The following MGAT4C variants were observed in gnomAD, a reference collection of about 807,000 sequenced individuals.
The protein encoded by MGAT4C is alpha-1,3-mannosyl-glycoprotein 4-beta-N-acetylglucosaminyltransferase C.
In MGAT4C, 19 loss-of-function variants were observed where a neutral mutation model predicts 40.1. The ratio of observed to expected loss-of-function variants is 0.47; its 90% CI spans 0.33 to 0.70. The LOEUF (loss-of-function observed/expected upper bound fraction) is 0.70, where lower values mean the gene tolerates loss of function less well. Ranked by LOEUF, MGAT4C falls within the 30% of genes least tolerant of loss-of-function variation. The pLI, the probability that MGAT4C is intolerant of heterozygous loss-of-function variation, is 0.02. For missense variants in MGAT4C, 491 were observed against 563.2 expected (o/e 0.87, Z 1.30); for synonymous variants, 181 against 187.1 (o/e 0.97, Z 0.27).
chr12:86,320,220 A>G (rs904255601), intron 4 of MGAT4C, among the ~76,000 whole-genome samples: 1 of 152,170 alleles, frequency 6.6e-6, no homozygotes, highest in Admixed American at 6.6e-5. Context: ...AAATATTGAT[A>G]TCTGATAATG....
intron 2 of MGAT4C, among the ~76,000 whole-genome samples, chr12:86,486,994 A>G (rs1958030809): frequency 6.6e-6 from 1 of 152,190 alleles, no homozygotes; most frequent in Non-Finnish European, 1.5e-5. Context: ...GGAAAGACTG[A>G]TATCAATTGA....
intron 1 of MGAT4C, among the ~76,000 whole-genome samples, chr12:86,137,927 G>A (rs190407958): frequency 2.5e-4 from 38 of 152,268 alleles, no homozygotes; most frequent in African/African-American, 9.1e-4. Context: ...GAAAAATTCT[G>A]AGGAGCATTT....
At chr12:86,486,759 C>A (rs1296569388) in intron 2 of MGAT4C, among the ~76,000 whole-genome samples, 2 of 152,174 alleles carry the variant, frequency 1.3e-5, no homozygotes, top group Admixed American at 1.3e-4. Context: ...CTCCACACAA[C>A]AATCACAGTT....
At position 85,979,685 on chromosome 12, in the gene MGAT4C, G is replaced by T. The variant is rs1884315223; in HGVS notation, c.1041C>A (p.Thr347=). 3 of 1,613,314 alleles carry T rather than the reference G, an allele frequency of 1.9e-6. No homozygotes were observed. The highest frequency in any genetic ancestry group is 2.5e-6 in the Non-Finnish European group (3 of 1,179,790). ...IPDNPPASLY[T]NMNVFENYEA... ...CATAATTTTCAAACACATTCATGTTGGTGTACAGACTTGCAGGGGGGTTAT... is the reference window on the plus strand; with the variant it reads ...CATAATTTTCAAACACATTCATGTTTGTGTACAGACTTGCAGGGGGGTTAT... The change falls in exon 5 of 5, where the codon ACC becomes ACA. Residue 347 remains threonine (T), a synonymous_variant. Transcript: ENST00000611864.
intron 2 of MGAT4C, among the ~76,000 whole-genome samples, chr12:86,689,849 G>A (rs1950144034): frequency 1.3e-5 from 2 of 152,158 alleles, no homozygotes; most frequent in Non-Finnish European, 2.9e-5. Flanking sequence ...ACTGTGCTGG[G>A]AGATCCACTT....
chr12:85,963,960 C>T lies in MGAT4C; in HGVS notation c.*15329G>A, dbSNP rs1196525857. ...AAAAATCATATTGGGTAAATAGTAT[C>T]ACCCCAAAGTGATAGTCAAAAGTAC... On this transcript the variant is annotated 3_prime_UTR_variant, in exon 5 of 5. Transcript: ENST00000611864. The T allele has an allele frequency of 6.6e-6, 1 of 151,998 alleles. No homozygotes were observed. Among genetic ancestry groups the T allele is most frequent in the East Asian group, 1.9e-4 (1 of 5,160 alleles). The allele number at this position is 151,998 out of a possible 1,614,324, so 9.4% of individuals were successfully genotyped here.
chr12:86,758,160 A>G (rs1160456159), intron 1 of MGAT4C, among the ~76,000 whole-genome samples: 1 of 152,138 alleles, frequency 6.6e-6, no homozygotes, highest in African/African-American at 2.4e-5. Flanking sequence ...AACAAACTGC[A>G]TTTCAATTAC....
chr12:86,697,174 G>A (rs1209469792), intron 2 of MGAT4C, among the ~76,000 whole-genome samples: 4 of 152,042 alleles, frequency 2.6e-5, no homozygotes, highest in Non-Finnish European at 5.9e-5. Context: ...ATGACCTTAT[G>A]TATAATATAG....
intron 1 of MGAT4C, among the ~76,000 whole-genome samples, chr12:86,110,306 A>ATATAGTCTATATATATATAGTCTCTCTC (rs1877127048): frequency 6.6e-5 from 1 of 15,170 alleles, no homozygotes; most frequent in African/African-American, 2.4e-4. Context: ...CTCTCTATAT[A>ATATAGTCTATATATATATAGTCTCTCTC]TATATATATA....
chr12:86,311,130 A>C (rs1040094866), intron 4 of MGAT4C, among the ~76,000 whole-genome samples: 7 of 152,310 alleles, frequency 4.6e-5, no homozygotes, highest in African/African-American at 1.7e-4. Context: ...GTGTTCTGAG[A>C]AATGTGTCCT....
intron 1 of MGAT4C, among the ~76,000 whole-genome samples, chr12:86,734,307 G>C (rs1473444905): frequency 6.6e-6 from 1 of 152,080 alleles, no homozygotes; most frequent in African/African-American, 2.4e-5. Context: ...TGATCAGAAG[G>C]AGACTGTGAC....
At chr12:86,042,060 T>C (rs561585987) in intron 2 of MGAT4C, among the ~76,000 whole-genome samples, 3 of 152,232 alleles carry the variant, frequency 2.0e-5, no homozygotes, top group Non-Finnish European at 4.4e-5. Context: ...TCTACCATTA[T>C]GTAATACGCT....
chr12:86,662,594 C>A (rs980484021), intron 2 of MGAT4C, among the ~76,000 whole-genome samples: 19 of 151,862 alleles, frequency 1.3e-4, no homozygotes, highest in African/African-American at 4.1e-4. Context: ...GATTTTTTTT[C>A]ATGTCTCAGA....
chr12:85,994,354 A>G (rs1281221913), intron 2 of MGAT4C, among the ~76,000 whole-genome samples: 1 of 152,234 alleles, frequency 6.6e-6, no homozygotes, highest in Non-Finnish European at 1.5e-5. Context: ...TAACTATGAT[A>G]CAGACAATTA....
intron 3 of MGAT4C, among the ~76,000 whole-genome samples, chr12:86,374,191 G>T (rs887825168): frequency 6.6e-6 from 1 of 152,048 alleles, no homozygotes; most frequent in African/African-American, 2.4e-5. Context: ...TATCATCAGT[G>T]TGAGCTGAGA....
At chr12:86,431,485 C>T (rs576681988) in intron 3 of MGAT4C, among the ~76,000 whole-genome samples, 16 of 152,228 alleles carry the variant, frequency 1.1e-4, no homozygotes, top group East Asian at 3.9e-4. Context: ...TCTCCCTTGA[C>T]GAGTATACTG....
At chr12:86,660,340 A>C (rs1177162843) in intron 2 of MGAT4C, among the ~76,000 whole-genome samples, 1 of 152,312 alleles carries the variant, frequency 6.6e-6, no homozygotes, top group African/African-American at 2.4e-5. Flanking sequence ...TTCAGAAAGA[A>C]AGCAATCTCC....
intron 1 of MGAT4C, among the ~76,000 whole-genome samples, chr12:86,189,881 T>C (rs1889181003): frequency 6.6e-6 from 1 of 152,074 alleles, no homozygotes; most frequent in African/African-American, 2.4e-5. Flanking sequence ...GCAAATCATG[T>C]TCCTTTTGAT....
intron 2 of MGAT4C, among the ~76,000 whole-genome samples, chr12:86,692,331 T>C (rs1202438604): frequency 6.6e-6 from 1 of 152,184 alleles, no homozygotes; most frequent in Non-Finnish European, 1.5e-5. Context: ...TGTTATCACA[T>C]GTATACACAC....
Sources: gnomAD v4.1 joint callset for allele counts (sites outside exome capture counted in the v4.1 genomes callset) on GRCh38, gnomAD v4.1.1 for gene constraint, MANE v1.5 for transcripts, NCBI Gene and HGNC (gene_info 2026-07-23, HGNC 2026-07-21) for gene names.